The following EXOC4 variants were observed in gnomAD, a reference collection of about 807,000 sequenced individuals.
The protein encoded by EXOC4 is SEC8-like 1.
In EXOC4, 71 loss-of-function variants were observed where a neutral mutation model predicts 107.2. That is an observed-to-expected ratio of 0.66 (90% CI 0.55 to 0.81). The LOEUF is 0.81. Among genes scored for constraint, EXOC4 ranks in the 30% least tolerant of loss-of-function variants. The pLI is 0.00. For synonymous variants in EXOC4, 456 were observed against 441.2 expected (o/e 1.03, Z -0.42); for missense variants, 1,108 against 1,189.6 (o/e 0.93, Z 1.01).
chr7:133,734,292 C>T (rs964942006), intron 10 of EXOC4, among the ~76,000 whole-genome samples: 1 of 152,148 alleles, frequency 6.6e-6, no homozygotes, highest in African/African-American at 2.4e-5. Context: ...TAAAATTAAA[C>T]CTTTTAAGCC....
intron 5 of EXOC4, among the ~76,000 whole-genome samples, chr7:133,353,662 G>A (rs1795960810): frequency 6.6e-6 from 1 of 151,984 alleles, no homozygotes; most frequent in African/African-American, 2.4e-5. Flanking sequence ...CTTCTTGGAT[G>A]TTTATATTCA....
intron 9 of EXOC4, chr7:133,576,582 CTAT>C: frequency 7.8e-7 from 1 of 1,289,784 alleles, no homozygotes. Context: ...AATCCCAGAT[CTAT>C]AAAGCGGATT....
chr7:133,877,397 A>C, intron 11 of EXOC4, among the ~76,000 whole-genome samples: 1 of 152,124 alleles, frequency 6.6e-6, no homozygotes, highest in East Asian at 1.9e-4. Flanking sequence ...ATAGTTCTTT[A>C]AATATTGTTG....
chr7:133,710,881 T>C (rs1176387505), intron 10 of EXOC4, among the ~76,000 whole-genome samples: 1 of 149,954 alleles, frequency 6.7e-6, no homozygotes, highest in Non-Finnish European at 1.5e-5. Flanking sequence ...CAGAAAACCA[T>C]GTCATGATAT....
downstream of EXOC4, among the ~76,000 whole-genome samples, chr7:134,069,729 C>T (rs1431576832): frequency 6.6e-6 from 1 of 152,138 alleles, no homozygotes; most frequent in Non-Finnish European, 1.5e-5. Context: ...GGCTCAGCCT[C>T]CCAAAGCGCT....
intron 9 of EXOC4, among the ~76,000 whole-genome samples, chr7:133,552,865 A>G (rs1010029790): frequency 6.6e-6 from 1 of 152,138 alleles, no homozygotes; most frequent in Non-Finnish European, 1.5e-5. Flanking sequence ...GTGTATTTTT[A>G]CTGTTGTTTT....
At chr7:133,518,600 A>G (rs924803464) in intron 9 of EXOC4, among the ~76,000 whole-genome samples, 4 of 152,216 alleles carry the variant, frequency 2.6e-5, no homozygotes, top group African/African-American at 9.7e-5. Flanking sequence ...CCAAATATCC[A>G]TCAGTGGATA....
intron 10 of EXOC4, among the ~76,000 whole-genome samples, chr7:133,650,348 A>G (rs1166525346): frequency 2.0e-5 from 3 of 152,058 alleles, no homozygotes; most frequent in Non-Finnish European, 2.9e-5. Flanking sequence ...AAATGCAGCC[A>G]GAGTGTAAAT....
intron 10 of EXOC4, chr7:133,771,525 TAGA>T (rs1562990669): frequency 6.6e-6 from 1 of 151,976 alleles, no homozygotes; most frequent in Non-Finnish European, 1.5e-5. Context: ...TTTTGCATAA[TAGA>T]AGGAGAAAAG....
At chr7:133,382,035 G>C (rs964855572) in intron 7 of EXOC4, among the ~76,000 whole-genome samples, 6 of 152,094 alleles carry the variant, frequency 3.9e-5, no homozygotes, top group African/African-American at 1.2e-4. Context: ...AGGTAATATG[G>C]GAACTTTGGA....
intron 10 of EXOC4, among the ~76,000 whole-genome samples, chr7:133,654,430 A>G (rs923659887): frequency 6.6e-6 from 1 of 152,144 alleles, no homozygotes; most frequent in Admixed American, 6.5e-5. Context: ...ACCTAAATTA[A>G]TTAGAATTGT....
At chr7:133,372,092 A>G (rs1408268079) in intron 6 of EXOC4, among the ~76,000 whole-genome samples, 2 of 152,102 alleles carry the variant, frequency 1.3e-5, no homozygotes. Context: ...TCTTTTTATT[A>G]TGAGTGTAAG....
At chr7:133,917,800 T>C in intron 13 of EXOC4, 62 bp downstream of exon 13, 6 of 1,471,888 alleles carry the variant, frequency 4.1e-6, no homozygotes, top group Non-Finnish European at 5.5e-6. Flanking sequence ...GTTTAGCTAA[T>C]ATTTTTTTAC....
chr7:133,505,592 C>A (rs559697840), intron 9 of EXOC4, among the ~76,000 whole-genome samples: 51 of 152,116 alleles, frequency 3.4e-4, no homozygotes, highest in Non-Finnish European at 5.6e-4. Flanking sequence ...TTATATGAAC[C>A]TTCTGTGAGG....
chr7:133,501,080 G>A (rs893157991), intron 9 of EXOC4, among the ~76,000 whole-genome samples: 16 of 152,046 alleles, frequency 1.1e-4, no homozygotes, highest in African/African-American at 3.6e-4. Context: ...TGTGTGTATG[G>A]CATATATGTA....
At chr7:133,675,290 G>A (rs976520469) in intron 10 of EXOC4, among the ~76,000 whole-genome samples, 2 of 152,090 alleles carry the variant, frequency 1.3e-5, no homozygotes, top group African/African-American at 2.4e-5. Context: ...ACGTCTGTGT[G>A]GCATTTGGTC....
intron 7 of EXOC4, among the ~76,000 whole-genome samples, chr7:133,407,032 A>G (rs1157977134): frequency 6.6e-6 from 1 of 152,162 alleles, no homozygotes; most frequent in Non-Finnish European, 1.5e-5. Context: ...CCTCTTCTCA[A>G]CGTGGGGTCA....
rs1376367924 is a variant in EXOC4, at chr7:133,508,526, AT to A, written c.1417+28391del. Reference sequence around the variant, plus strand: ...CACTGTAGCACTTAGGAATTATCTTATTTCCCCTGGAGAAGATCAAACCTAA... The same window carrying A: ...CACTGTAGCACTTAGGAATTATCTTATTCCCCTGGAGAAGATCAAACCTAA... On this transcript the variant is annotated intron_variant, in intron 9 of 17. Transcript: ENST00000253861. 5.9e-5 allele frequency among the ~76,000 whole-genome samples: 9 copies of A among 152,244 alleles called. No homozygotes were observed. The South Asian group carries it at 6.2e-4, about 11-fold the overall frequency.
At chr7:134,062,494 T>C (rs1292600926) in intron 17 of EXOC4, among the ~76,000 whole-genome samples, 1 of 152,212 alleles carries the variant, frequency 6.6e-6, no homozygotes, top group Non-Finnish European at 1.5e-5. Context: ...TTCACGGCCC[T>C]GAGTCTAATA....
Sources: allele counts gnomAD v4.1 joint callset (sites outside exome capture counted in the v4.1 genomes callset), GRCh38; gene constraint gnomAD v4.1.1; transcripts MANE v1.5; gene names NCBI Gene and HGNC (gene_info 2026-07-23, HGNC 2026-07-21).